The following UNC5A variants were observed in gnomAD, a reference collection of about 807,000 sequenced individuals.
UNC5A encodes the protein unc-5 netrin receptor A, also known as netrin receptor UNC5A.
UNC5A carries 20 observed loss-of-function variants against 87.4 expected under a neutral mutation model. The ratio of observed to expected loss-of-function variants is 0.23; its 90% CI spans 0.16 to 0.33. UNC5A has a LOEUF of 0.33. Among genes scored for constraint, UNC5A ranks in the 10% least tolerant of loss-of-function variants. UNC5A has a pLI of 1.00. For missense variants in UNC5A, 844 were observed against 1,133.4 expected (o/e 0.74, Z 3.67); for synonymous variants, 438 against 482.3 (o/e 0.91, Z 1.20).
chr5:176,876,523 A>G lies in UNC5A; in HGVS notation c.1379-669A>G, dbSNP rs74531366. ...CGTCTTTGCCGGATCCTGTCCCACCATCTCCCTGTTGAACCACTCCCCTCT... is the reference window on the plus strand; with the variant it reads ...CGTCTTTGCCGGATCCTGTCCCACCGTCTCCCTGTTGAACCACTCCCCTCT... On this transcript the variant is annotated intron_variant, in intron 8 of 14. Transcript: ENST00000329542. Among the ~76,000 whole-genome samples the G allele has an allele frequency of 3.2e-3, 486 of 151,968 alleles. 3 individuals are homozygous for G. The highest frequency in any genetic ancestry group is 0.011 in the African/African-American group (468 of 41,426).
intron 6 of UNC5A, among the ~76,000 whole-genome samples, chr5:176,873,747 G>A (rs1343428031): frequency 1.3e-5 from 2 of 152,206 alleles, no homozygotes; most frequent in African/African-American, 2.4e-5. Context: ...TCAAGCCCAC[G>A]AGGAATGTGA....
rs76885826 is a variant in UNC5A at position 176,878,918 on chromosome 5, G to A, written c.2184+279G>A. Among the ~76,000 whole-genome samples, 1,472 of 152,298 alleles carry A rather than the reference G, an allele frequency of 9.7e-3. 29 individuals carry two copies. The highest frequency in any genetic ancestry group is 0.034 in the African/African-American group (1,399 of 41,556). On this transcript the variant is annotated intron_variant, in intron 13 of 14. Transcript: ENST00000329542. ...TCCCTGAGGAGGGGCTTTGTACTGGGCCCCAAAGAATGAGCCAGTTTGGCT... is the reference window on the plus strand; with the variant it reads ...TCCCTGAGGAGGGGCTTTGTACTGGACCCCAAAGAATGAGCCAGTTTGGCT...
chr5:176,879,850 C>G lies in UNC5A; in HGVS notation c.2493C>G (p.Asp831Glu). Residue 831 changes from aspartate (D) to glutamate (E), a missense_variant, in exon 15 of 15, where the codon GAC becomes GAG. Asp to Glu is a conservative substitution (Grantham distance 45). Around this residue, in one of 3 missense-constraint regions of UNC5A, gnomAD observed 177 missense variants for 279.4 expected, o/e 0.63. Coordinates refer to ENST00000329542, the MANE Select transcript of UNC5A (RefSeq NM_133369.3). The stretch of plus-strand genomic sequence containing the variant: ...CAGTGGCTGGACTGGGCCAGCCAGA[C>G]GCTGGCCTCTTCACAGTGTCGGAGG... ...AAAVAGLGQP[D>E]AGLFTVSEAE... The G allele has an allele frequency of 3.1e-6, 5 of 1,612,452 alleles. No individual in the cohort carries two copies. The highest frequency in any genetic ancestry group is 4.2e-6 in the Non-Finnish European group (5 of 1,179,806).
rs949792877 is a variant in UNC5A at position 176,840,883 on chromosome 5, C to G, written c.71-21741C>G. On this transcript the variant is annotated intron_variant, in intron 1 of 14. Transcript: ENST00000329542. ...ACCCTGCCCCGCCTTTGTTATGGGT[C>G]CCCCCACAACGCTTGAGCAGCACAG... is the stretch of plus-strand genomic sequence containing the variant. Among the ~76,000 whole-genome samples, 3 of 152,336 alleles carry G rather than the reference C, an allele frequency of 2.0e-5. No individual in the cohort carries two copies. The East Asian group carries it at 5.8e-4, about 29-fold the overall frequency.
intron 1 of UNC5A, among the ~76,000 whole-genome samples, chr5:176,845,004 G>A (rs1216725593): frequency 6.6e-6 from 1 of 152,170 alleles, no homozygotes; most frequent in Non-Finnish European, 1.5e-5. Flanking sequence ...TGAGCAGTAG[G>A]CCAAGGTTTC....
chr5:176,875,474 G>A lies in UNC5A; in HGVS notation c.1378+908G>A, dbSNP rs377712482. On this transcript the variant is annotated intron_variant, in intron 8 of 14. Transcript: ENST00000329542. The surrounding 1 kb of genome is among the most constrained non-coding windows in gnomAD (Gnocchi z 5.2). ...TGCTGCTCGTCCTCTCTTGCCCCCC[G>A]CCAGCTTCAGTCCCACGCCAGTCCC... is the stretch of plus-strand genomic sequence containing the variant. Among the ~76,000 whole-genome samples, 88 of 150,590 alleles carry A rather than the reference G, an allele frequency of 5.8e-4. 1 individual carries two copies. The East Asian group carries it at 0.014, about 24-fold the overall frequency.
chr5:176,851,524 A>T (rs12055367), intron 1 of UNC5A, among the ~76,000 whole-genome samples: 15,979 of 152,304 alleles, frequency 0.1, 1,005 homozygotes, highest in East Asian at 0.18. Flanking sequence ...TGCCAGCAAC[A>T]TTGTAAAAAT....
intron 1 of UNC5A, among the ~76,000 whole-genome samples, chr5:176,859,426 C>T (rs997147462): frequency 2.0e-5 from 3 of 148,392 alleles, no homozygotes; most frequent in Admixed American, 6.6e-5. Context: ...GGCATAGCTG[C>T]TAGAATGATG....
At chr5:176,836,011 T>A (rs1358101964) in intron 1 of UNC5A, among the ~76,000 whole-genome samples, 2 of 152,176 alleles carry the variant, frequency 1.3e-5, no homozygotes, top group African/African-American at 4.8e-5. Context: ...ATGTGTATAG[T>A]GAAATCACCA....
At chr5:176,820,854 GGTAA>G (rs1294958433) in intron 1 of UNC5A, among the ~76,000 whole-genome samples, 1 of 152,220 alleles carries the variant, frequency 6.6e-6, no homozygotes, top group East Asian at 1.9e-4. Flanking sequence ...AGGTGAGCTA[GGTAA>G]GTATTTCTCT....
At position 176,874,398 on chromosome 5, in the gene UNC5A, G is replaced by A. The variant is rs777274299; in HGVS notation, c.1210G>A (p.Gly404Ser). 2 of 1,613,576 alleles carry A rather than the reference G, an allele frequency of 1.2e-6. No homozygotes were observed. The highest frequency in any genetic ancestry group is 8.5e-7 in the Non-Finnish European group (1 of 1,179,936). ...CAATGGGCACCTGCTCAGCCCCCTGGGTGGCGGCCGCCACACACTGCACCA... is the reference window on the plus strand; with the variant it reads ...CAATGGGCACCTGCTCAGCCCCCTGAGTGGCGGCCGCCACACACTGCACCA... Reference protein sequence around the residue: ...LTNGHLLSPLGGGRHTLHHSS... With the variant: ...LTNGHLLSPLSGGRHTLHHSS... The change falls in exon 8 of 15, where the codon GGT becomes AGT. Residue 404 changes from glycine to serine, a missense_variant. Gly to Ser is a moderately conservative substitution (Grantham distance 56). Coordinates refer to ENST00000329542, the MANE Select transcript of UNC5A (RefSeq NM_133369.3). This position sits in a 1 kb window ranked among gnomAD's most constrained non-coding sequence, Gnocchi z 7.6.
rs569062515 is a variant in UNC5A, at chr5:176,824,793, C to T, written c.70+13973C>T. On this transcript the variant is annotated intron_variant, in intron 1 of 14. Coordinates refer to ENST00000329542, the MANE Select transcript of UNC5A (RefSeq NM_133369.3). The surrounding 1 kb of genome is among the most constrained non-coding windows in gnomAD (Gnocchi z 4.2). ...GTGCACCCCCACCACCTGTGTGCCCCCTGCTCTGTGTACCCCCTACCTTGT... is the reference window on the plus strand; with the variant it reads ...GTGCACCCCCACCACCTGTGTGCCCTCTGCTCTGTGTACCCCCTACCTTGT... Among the ~76,000 whole-genome samples the T allele has an allele frequency of 6.7e-6, 1 of 150,128 alleles. No homozygotes were observed. Among genetic ancestry groups the T allele is most frequent in the East Asian group, 2.0e-4 (1 of 5,096 alleles).
rs1371436645 is a variant in UNC5A, at chr5:176,865,547, C to T, written c.293-2583C>T. 4.4e-6 allele frequency: 2 copies of T among 455,974 alleles called. No homozygotes were observed. Among genetic ancestry groups the T allele is most frequent in the Non-Finnish European group, 8.8e-6 (2 of 226,242 alleles). The allele number at this position is 455,974 out of a possible 1,614,324, so 28.2% of individuals were successfully genotyped here. ...TGCCCCGAGCATCCGACTCCAGCCT[C>T]CCATGGCCGGAACATCTGAACGTTC... On this transcript the variant is annotated intron_variant, in intron 2 of 14. Coordinates refer to ENST00000329542, the MANE Select transcript of UNC5A (RefSeq NM_133369.3). This position sits in a 1 kb window ranked among gnomAD's most constrained non-coding sequence, Gnocchi z 5.3.
At chr5:176,811,528 T>G (rs1018564135) in intron 1 of UNC5A, among the ~76,000 whole-genome samples, 1 of 152,142 alleles carries the variant, frequency 6.6e-6, no homozygotes, top group Non-Finnish European at 1.5e-5. Flanking sequence ...CTCCATAGCC[T>G]TTCTTGGCCC....
At chr5:176,856,745 C>T (rs1757676863) in intron 1 of UNC5A, among the ~76,000 whole-genome samples, 1 of 152,120 alleles carries the variant, frequency 6.6e-6, no homozygotes, top group African/African-American at 2.4e-5. Flanking sequence ...GCAGCCTCCC[C>T]ACCTCCCCTC....
At chr5:176,821,451 C>T (rs550954400) in intron 1 of UNC5A, among the ~76,000 whole-genome samples, 1 of 152,220 alleles carries the variant, frequency 6.6e-6, no homozygotes, top group Non-Finnish European at 1.5e-5. Flanking sequence ...CCTGGCTCCA[C>T]TGGAGGCCCG....
At chr5:176,825,912 C>A (rs1050596897) in intron 1 of UNC5A, among the ~76,000 whole-genome samples, 2 of 152,154 alleles carry the variant, frequency 1.3e-5, no homozygotes, top group African/African-American at 4.8e-5. Context: ...GCATGAGGGC[C>A]GTGTGACCAT....
At chr5:176,852,118 TCTCTCTCAGCCGGGGCTGC>T (rs1210080059) in intron 1 of UNC5A, among the ~76,000 whole-genome samples, 1 of 152,110 alleles carries the variant, frequency 6.6e-6, no homozygotes, top group Non-Finnish European at 1.5e-5. Flanking sequence ...ATTCTTTATG[TCTCTCTCAGCCGGGGCTGC>T]CACAGGCCTT....
rs140508005 is a variant in UNC5A, at chr5:176,852,696, G to A, written c.71-9928G>A. On this transcript the variant is annotated intron_variant, in intron 1 of 14. Transcript: ENST00000329542. ...CCCTTGGTTGGGGCCATAGGAGCCC[G>A]TCCCCCCATCACAGCACTCCCCCCG... Among the ~76,000 whole-genome samples the A allele has an allele frequency of 2.2e-3, 336 of 152,296 alleles. 1 individual carries two copies. The highest frequency in any genetic ancestry group is 7.4e-3 in the African/African-American group (308 of 41,556).
Sources: gnomAD v4.1 joint callset for allele counts (sites outside exome capture counted in the v4.1 genomes callset) on GRCh38, gnomAD v4.1.1 for gene constraint, gnomAD v4.1.1 regional missense constraint, Gnocchi (gnomAD v3.1) non-coding constraint, MANE v1.5 for transcripts, NCBI Gene and HGNC (gene_info 2026-07-23, HGNC 2026-07-21) for gene names.